Variants in CSMD1 observed in about 807,000 individuals in gnomAD.
CSMD1 encodes CUB and sushi domain-containing protein 1.
A neutral mutation model predicts 417.5 loss-of-function variants in CSMD1; 213 were observed. That is an observed-to-expected ratio of 0.51 (90% CI 0.46 to 0.57). CSMD1 has a LOEUF of 0.57. CSMD1 is among the 20% of genes least tolerant of loss of function. The probability of loss-of-function intolerance (pLI) is 0.00; values close to 1 mark genes in which losing one functional copy is unlikely to be tolerated. For synonymous variants in CSMD1, 2,862 were observed against 1,736.8 expected (o/e 1.65, Z -16.11); for missense variants, 6,923 against 4,529.7 (o/e 1.53, Z -15.17).
rs113261685 is a variant in CSMD1, at chr8:4,720,245, T to C, written c.86-82687A>G. 9.5e-3 allele frequency among the ~76,000 whole-genome samples: 1,443 copies of C among 151,990 alleles called. 38 individuals carry two copies. Among genetic ancestry groups the C allele is most frequent in the African/African-American group, 0.033 (1,390 of 41,494 alleles). On this transcript the variant is annotated intron_variant, in intron 1 of 69. Transcript: ENST00000635120. ...TTAGTAATAATATATAAAGGGAATG[T>C]ATCATTTTTGGAAAAGTTGGAAAAA... is the stretch of plus-strand genomic sequence containing the variant.
intron 3 of CSMD1, among the ~76,000 whole-genome samples, chr8:4,246,002 C>G (rs144063596): frequency 5.9e-5 from 9 of 152,228 alleles, no homozygotes; most frequent in African/African-American, 2.2e-4. Context: ...AACATGCAAC[C>G]TAGGTCAGTT....
At position 4,789,117 on chromosome 8, in the gene CSMD1, G is replaced by T. The variant is rs1253651757; in HGVS notation, c.86-151559C>A. Among the ~76,000 whole-genome samples the T allele has an allele frequency of 2.0e-5, 3 of 152,158 alleles. No homozygotes were observed. The East Asian group carries it at 5.8e-4, about 29-fold the overall frequency. ...GGTAATCATGAGAAAGCTACCTCTT[G>T]GGATTCTTGTAAGAGTTCACTGAAA... is the stretch of plus-strand genomic sequence containing the variant. On this transcript the variant is annotated intron_variant, in intron 1 of 69. Coordinates refer to ENST00000635120, the MANE Select transcript of CSMD1 (RefSeq NM_033225.6).
chr8:3,581,645 T>C (rs977020153), intron 9 of CSMD1, among the ~76,000 whole-genome samples: 1 of 152,184 alleles, frequency 6.6e-6, no homozygotes, highest in African/African-American at 2.4e-5. Context: ...CTGGAATACC[T>C]TTATGCTCAG....
At position 4,734,645 on chromosome 8, in the gene CSMD1, T is replaced by C. The variant is rs555387167; in HGVS notation, c.86-97087A>G. ...TATTTTTAGGTACTGGAAATACTTTTTTTATTTTAACAATGATTCTTAGCT... is the reference window on the plus strand; with the variant it reads ...TATTTTTAGGTACTGGAAATACTTTCTTTATTTTAACAATGATTCTTAGCT... On this transcript the variant is annotated intron_variant, in intron 1 of 69. Coordinates refer to ENST00000635120, the MANE Select transcript of CSMD1 (RefSeq NM_033225.6). Among the ~76,000 whole-genome samples the C allele has an allele frequency of 2.6e-3, 393 of 152,332 alleles. 1 individual carries two copies. The highest frequency in any genetic ancestry group is 9.1e-3 in the African/African-American group (378 of 41,582).
intron 3 of CSMD1, among the ~76,000 whole-genome samples, chr8:4,114,341 G>A (rs529700040): frequency 7.6e-4 from 116 of 152,264 alleles, no homozygotes; most frequent in Middle Eastern, 3.4e-3. Context: ...TTTACAGCAC[G>A]GTTAATGCAG....
chr8:4,364,018 T>C (rs1584960186), intron 3 of CSMD1, among the ~76,000 whole-genome samples: 1 of 152,278 alleles, frequency 6.6e-6, no homozygotes, highest in Admixed American at 6.5e-5. Flanking sequence ...AATAATTTAA[T>C]TGTACTTATT....
chr8:4,126,102 C>T (rs144927632), intron 3 of CSMD1, among the ~76,000 whole-genome samples: 2 of 151,962 alleles, frequency 1.3e-5, no homozygotes, highest in South Asian at 4.2e-4. Flanking sequence ...GCAAGAAAAA[C>T]TCACTTTGAC....
At chr8:3,524,566 T>C (rs1797674849) in intron 10 of CSMD1, among the ~76,000 whole-genome samples, 1 of 135,758 alleles carries the variant, frequency 7.4e-6, no homozygotes, top group Non-Finnish European at 1.6e-5. Context: ...CACACATGCA[T>C]ACCCAGACAC....
At chr8:3,440,352 G>C (rs192789128) in intron 12 of CSMD1, among the ~76,000 whole-genome samples, 1 of 152,090 alleles carries the variant, frequency 6.6e-6, no homozygotes, top group African/African-American at 2.4e-5. Flanking sequence ...CAGTCTATGA[G>C]TCCTATACAT....
intron 5 of CSMD1, among the ~76,000 whole-genome samples, chr8:3,925,015 C>A (rs1007944161): frequency 2.5e-4 from 38 of 152,248 alleles, no homozygotes; most frequent in African/African-American, 8.4e-4. Context: ...AAGAGAAAGA[C>A]TTTAAATAGT....
chr8:3,960,644 AATTG>A lies in CSMD1; in HGVS notation c.818+37255_818+37258del. ...ATGGAAATATTAATATGCACTGATTAATTGATTATAAATCAAGAAGTTATGATAA... is the reference window on the plus strand; with the variant it reads ...ATGGAAATATTAATATGCACTGATTAATTATAAATCAAGAAGTTATGATAA... On this transcript the variant is annotated intron_variant, in intron 5 of 69. Transcript: ENST00000635120. 2.0e-5 allele frequency among the ~76,000 whole-genome samples: 3 copies of A among 147,870 alleles called. No individual in the cohort carries two copies. The East Asian group carries it at 5.8e-4, about 29-fold the overall frequency.
intron 5 of CSMD1, among the ~76,000 whole-genome samples, chr8:3,968,265 G>C (rs146544211): frequency 6.6e-6 from 1 of 151,940 alleles, no homozygotes; most frequent in African/African-American, 2.4e-5. Flanking sequence ...TGTTTTCCAG[G>C]TATAGGTAGT....
At chr8:3,311,985 G>C (rs556605608) in intron 23 of CSMD1, among the ~76,000 whole-genome samples, 6 of 152,042 alleles carry the variant, frequency 3.9e-5, no homozygotes, top group Non-Finnish European at 8.8e-5. Context: ...GGTTAACAAA[G>C]TTCTAAAATC....
intron 18 of CSMD1, among the ~76,000 whole-genome samples, chr8:3,382,448 TA>T: frequency 7.1e-6 from 1 of 140,738 alleles, no homozygotes; most frequent in African/African-American, 2.6e-5. Context: ...ACATATATAA[TA>T]TAATATATAT....
chr8:3,344,659 G>A (rs1461368998), intron 22 of CSMD1, among the ~76,000 whole-genome samples: 1 of 152,014 alleles, frequency 6.6e-6, no homozygotes, highest in East Asian at 1.9e-4. Context: ...ATTAAACAGA[G>A]TCTTAGTAGG....
At chr8:4,939,891 T>A (rs1158955526) in intron 1 of CSMD1, among the ~76,000 whole-genome samples, 1 of 152,212 alleles carries the variant, frequency 6.6e-6, no homozygotes, top group Non-Finnish European at 1.5e-5. Flanking sequence ...CCTATTTCTA[T>A]CAGGTTGTGT....
At chr8:3,208,844 C>T (rs1797445189) in intron 30 of CSMD1, among the ~76,000 whole-genome samples, 1 of 152,156 alleles carries the variant, frequency 6.6e-6, no homozygotes, top group Admixed American at 6.5e-5. Context: ...CCCTGAACGT[C>T]AAACTCCAAG....
intron 3 of CSMD1, among the ~76,000 whole-genome samples, chr8:4,122,689 G>A (rs1802553129): frequency 6.6e-6 from 1 of 152,150 alleles, no homozygotes; most frequent in Admixed American, 6.5e-5. Flanking sequence ...GGCTGCAGCT[G>A]GGCATGGCTA....
chr8:4,813,801 G>A (rs1799046270), intron 1 of CSMD1, among the ~76,000 whole-genome samples: 1 of 152,142 alleles, frequency 6.6e-6, no homozygotes, highest in African/African-American at 2.4e-5. Flanking sequence ...GTCTAGGGTT[G>A]CCATCGAATT....
Sources: gnomAD v4.1 joint callset for allele counts (sites outside exome capture counted in the v4.1 genomes callset) on GRCh38, gnomAD v4.1.1 for gene constraint, MANE v1.5 for transcripts, NCBI Gene and HGNC (gene_info 2026-07-23, HGNC 2026-07-21) for gene names.